ANKFN1: variants seen among roughly 807,000 people sequenced by gnomAD.
ANKFN1 encodes ankyrin repeat and fibronectin type-III domain-containing protein 1.
A neutral mutation model predicts 108.7 loss-of-function variants in ANKFN1; 74 were observed. The ratio of observed to expected loss-of-function variants is 0.68; its 90% CI spans 0.56 to 0.83. ANKFN1 has a LOEUF of 0.83. Ranked by LOEUF, ANKFN1 falls within the 40% of genes least tolerant of loss-of-function variation. ANKFN1 has a pLI of 0.00. For synonymous variants in ANKFN1, 547 were observed against 516.2 expected (o/e 1.06, Z -0.81); for missense variants, 1,505 against 1,382.3 (o/e 1.09, Z -1.41).
At chr17:56,049,913 G>A (rs1231935106) in intron 4 of ANKFN1, among the ~76,000 whole-genome samples, 2 of 152,008 alleles carry the variant, frequency 1.3e-5, no homozygotes, top group African/African-American at 4.8e-5. Flanking sequence ...ACCCAGTAAT[G>A]GGATGGCTCG....
At chr17:56,429,489 A>G (rs1365003551) in intron 8 of ANKFN1, among the ~76,000 whole-genome samples, 1 of 152,252 alleles carries the variant, frequency 6.6e-6, no homozygotes, top group Admixed American at 6.5e-5. Context: ...TTTAAATTTC[A>G]TATAATTTTC....
At chr17:56,426,251 G>A (rs141417122) in intron 8 of ANKFN1, among the ~76,000 whole-genome samples, 99 of 152,292 alleles carry the variant, frequency 6.5e-4, no homozygotes, top group African/African-American at 2.4e-3. Flanking sequence ...AATCTGAAGA[G>A]TTCCTTTCTT....
upstream of ANKFN1, among the ~76,000 whole-genome samples, chr17:56,149,845 A>C (rs1385126163): frequency 1.3e-5 from 2 of 152,242 alleles, no homozygotes; most frequent in African/African-American, 4.8e-5. Flanking sequence ...GCCTCCCTGC[A>C]GGAGGATTCG....
At chr17:56,228,145 G>A in intron 3 of ANKFN1, 188 bp downstream of exon 3, 1 of 523,206 alleles carries the variant, frequency 1.9e-6, no homozygotes, top group Non-Finnish European at 3.3e-6. Context: ...CAATTTGGAA[G>A]CAGATTGAAC....
chr17:56,157,572 G>A (rs1011769), intron 1 of ANKFN1, among the ~76,000 whole-genome samples: 18,140 of 152,180 alleles, frequency 0.12, 1,370 homozygotes, highest in East Asian at 0.28. Flanking sequence ...GGACTATGGC[G>A]TCTTACCAGG....
At chr17:56,240,058 T>G (rs1218181441) in intron 3 of ANKFN1, among the ~76,000 whole-genome samples, 4 of 152,186 alleles carry the variant, frequency 2.6e-5, no homozygotes, top group Non-Finnish European at 5.9e-5. Flanking sequence ...TGTTTTGTCA[T>G]GCACATTTAA....
At chr17:56,299,368 C>G (rs1002129640) in intron 3 of ANKFN1, among the ~76,000 whole-genome samples, 2 of 152,166 alleles carry the variant, frequency 1.3e-5, no homozygotes, top group Non-Finnish European at 2.9e-5. Flanking sequence ...AGGAAGGACT[C>G]TGACCCCTCT....
chr17:56,341,281 T>C (rs1186159659), intron 4 of ANKFN1, among the ~76,000 whole-genome samples: 1 of 152,136 alleles, frequency 6.6e-6, no homozygotes, highest in Non-Finnish European at 1.5e-5. Context: ...CTCTTCCTAT[T>C]TGAATGCCCT....
chr17:56,101,463 T>C (rs912271618), intron 4 of ANKFN1, among the ~76,000 whole-genome samples: 1 of 152,368 alleles, frequency 6.6e-6, no homozygotes, highest in East Asian at 1.9e-4. Context: ...TCCCCTAGGA[T>C]TACTAGGATT....
At chr17:56,160,227 A>C (rs900258495) in intron 1 of ANKFN1, among the ~76,000 whole-genome samples, 1 of 152,180 alleles carries the variant, frequency 6.6e-6, no homozygotes, top group African/African-American at 2.4e-5. Context: ...CTTTAAGAGG[A>C]TGATTGATGG....
At chr17:56,234,423 T>C (rs1916960667) in intron 3 of ANKFN1, among the ~76,000 whole-genome samples, 1 of 152,026 alleles carries the variant, frequency 6.6e-6, no homozygotes. Context: ...TTACAGGAAT[T>C]TGTTGTACAG....
chr17:56,073,155 G>C (rs1905141018), intron 4 of ANKFN1, among the ~76,000 whole-genome samples: 1 of 151,770 alleles, frequency 6.6e-6, no homozygotes, highest in African/African-American at 2.4e-5. Flanking sequence ...ACTACGTCTG[G>C]CTAATTTTCT....
At chr17:56,303,985 C>A (rs1012827670) in intron 3 of ANKFN1, among the ~76,000 whole-genome samples, 1 of 151,900 alleles carries the variant, frequency 6.6e-6, no homozygotes, top group Non-Finnish European at 1.5e-5. Flanking sequence ...CGTGAGCCAC[C>A]ATACCTGGCC....
intron 4 of ANKFN1, among the ~76,000 whole-genome samples, chr17:56,345,216 A>G (rs1359030957): frequency 2.0e-5 from 3 of 152,126 alleles, no homozygotes; most frequent in South Asian, 4.1e-4. Flanking sequence ...TGCAAAGGAC[A>G]TGAGCTCATT....
chr17:56,355,095 G>A (rs746534354), intron 6 of ANKFN1, among the ~76,000 whole-genome samples: 4 of 152,088 alleles, frequency 2.6e-5, no homozygotes, highest in East Asian at 1.9e-4. Flanking sequence ...CTAGAAGAGA[G>A]GCTTTTGAAT....
chr17:56,392,502 G>T (rs1022176321), intron 8 of ANKFN1, among the ~76,000 whole-genome samples: 1 of 152,186 alleles, frequency 6.6e-6, no homozygotes, highest in African/African-American at 2.4e-5. Flanking sequence ...CAGTAGGGCA[G>T]ATTTTTCCAT....
intron 1 of ANKFN1, among the ~76,000 whole-genome samples, chr17:56,167,903 G>A (rs1567814374): frequency 1.3e-5 from 2 of 152,108 alleles, no homozygotes; most frequent in African/African-American, 2.4e-5. Context: ...CAACCTCAGT[G>A]GGCCTGGAAA....
rs534450095 is a variant in ANKFN1, at chr17:56,319,046, C to G, written c.54-7175C>G. Among the ~76,000 whole-genome samples the G allele has an allele frequency of 5.3e-5, 8 of 152,046 alleles. No individual in the cohort carries two copies. The East Asian group carries it at 1.5e-3, about 29-fold the overall frequency. On this transcript the variant is annotated intron_variant, in intron 3 of 20. Transcript: ENST00000682825. ...GCAGATATTTCAATATTAAGATTTT[C>G]TTTACAAAAAAAATGAGGAGGAAGA... is the stretch of plus-strand genomic sequence containing the variant.
At position 56,110,623 on chromosome 17, in the gene ANKFN1, GTGAATGAATGAATGAAGGCAAAGTGAA is replaced by G. The variant is rs1905908950; in HGVS notation, c.288+64318_288+64344del. ...GAATGAACAAATGAGTGAAGGCAAA[GTGAATGAATGAATGAAGGCAAAGTGAA>G]TGAATGAATGAATGAAGGCCAAGAC... On this transcript the variant is annotated intron_variant, in intron 4 of 12. Coordinates refer to the ANKFN1 transcript ENST00000635860. Among the ~76,000 whole-genome samples the G allele has an allele frequency of 2.6e-5, 4 of 152,234 alleles. No individual in the cohort carries two copies. The East Asian group carries it at 7.7e-4, about 29-fold the overall frequency.
Sources: gnomAD v4.1 joint callset for allele counts (sites outside exome capture counted in the v4.1 genomes callset) on GRCh38, gnomAD v4.1.1 for gene constraint, MANE v1.5 for transcripts, NCBI Gene and HGNC (gene_info 2026-07-23, HGNC 2026-07-21) for gene names.